The following CNTNAP5 variants were observed in gnomAD, a reference collection of about 807,000 sequenced individuals.
CNTNAP5 encodes the protein contactin associated protein family member 5.
Under a neutral mutation model 150.2 loss-of-function variants are expected in CNTNAP5, and 72 were observed. The observed-to-expected ratio is 0.48, with a 90% CI of 0.40 to 0.58. The LOEUF is 0.58. CNTNAP5 is among the 20% of genes least tolerant of loss of function. The pLI is 0.00. For missense variants in CNTNAP5, 1,636 were observed against 1,626.2 expected (o/e 1.01, Z -0.10); for synonymous variants, 672 against 619.8 (o/e 1.08, Z -1.25).
At chr2:124,510,479 A>G (rs1241325766) in intron 8 of CNTNAP5, among the ~76,000 whole-genome samples, 534 of 12,860 alleles carry the variant, frequency 0.042, 11 homozygotes, top group African/African-American at 0.13. Context: ...ATGTATGTGT[A>G]TATATATATA....
At chr2:124,235,341 G>A (rs1422678251) in intron 2 of CNTNAP5, among the ~76,000 whole-genome samples, 1 of 152,068 alleles carries the variant, frequency 6.6e-6, no homozygotes, top group Non-Finnish European at 1.5e-5. Flanking sequence ...GAGTTCACCT[G>A]CTAGAGAGGA....
At chr2:124,551,284 T>C (rs527395330) in intron 10 of CNTNAP5, among the ~76,000 whole-genome samples, 3 of 152,308 alleles carry the variant, frequency 2.0e-5, no homozygotes, top group Admixed American at 1.3e-4. Flanking sequence ...TTTAGGAAAC[T>C]GACTTTTGAC....
chr2:124,239,420 A>G (rs1686830310), intron 2 of CNTNAP5, among the ~76,000 whole-genome samples: 1 of 152,188 alleles, frequency 6.6e-6, no homozygotes, highest in Admixed American at 6.5e-5. Flanking sequence ...AAGAATTTTC[A>G]TTTTAAAAAT....
At chr2:124,667,858 C>T (rs554670844) in intron 13 of CNTNAP5, among the ~76,000 whole-genome samples, 32 of 152,260 alleles carry the variant, frequency 2.1e-4, no homozygotes, top group African/African-American at 6.0e-4. Flanking sequence ...TCATTTCTCC[C>T]GTAAGGGAAG....
At chr2:124,694,005 A>G (rs2105082152) in intron 13 of CNTNAP5, among the ~76,000 whole-genome samples, 1 of 152,090 alleles carries the variant, frequency 6.6e-6, no homozygotes, top group Admixed American at 6.5e-5. Context: ...ATAAACAACA[A>G]TGGGATTTCG....
chr2:124,435,542 A>G (rs1222065622), intron 5 of CNTNAP5, among the ~76,000 whole-genome samples: 3 of 152,242 alleles, frequency 2.0e-5, no homozygotes, highest in Admixed American at 1.3e-4. Context: ...GCCGTTTTTC[A>G]TAAGAATGAC....
intron 13 of CNTNAP5, among the ~76,000 whole-genome samples, chr2:124,713,031 A>T (rs1016437330): frequency 3.9e-5 from 6 of 152,244 alleles, no homozygotes; most frequent in African/African-American, 1.4e-4. Flanking sequence ...ATTTCAACAT[A>T]TGAATTTAGA....
At chr2:124,722,270 C>T (rs1240921419) in intron 13 of CNTNAP5, among the ~76,000 whole-genome samples, 2 of 152,088 alleles carry the variant, frequency 1.3e-5, no homozygotes, top group African/African-American at 2.4e-5. Context: ...TCAGCACCAA[C>T]TCTAAGGCCC....
chr2:124,066,005 C>T (rs1312219979), intron 1 of CNTNAP5, among the ~76,000 whole-genome samples: 1 of 152,100 alleles, frequency 6.6e-6, no homozygotes, highest in African/African-American at 2.4e-5. Context: ...GATATGCTCT[C>T]GAGGTAGAGT....
chr2:124,213,132 C>A (rs1686063395), intron 1 of CNTNAP5, among the ~76,000 whole-genome samples: 1 of 152,070 alleles, frequency 6.6e-6, no homozygotes, highest in Admixed American at 6.6e-5. Context: ...GCCACCGGGC[C>A]TGGCCTATGT....
At chr2:124,751,040 C>T (rs1015498842) in intron 14 of CNTNAP5, among the ~76,000 whole-genome samples, 1 of 147,790 alleles carries the variant, frequency 6.8e-6, no homozygotes, top group African/African-American at 2.5e-5. Flanking sequence ...TTTGCACCAA[C>T]CTAATAGAAA....
intron 7 of CNTNAP5, among the ~76,000 whole-genome samples, chr2:124,502,950 T>C (rs773770591): frequency 4.6e-5 from 7 of 152,190 alleles, no homozygotes; most frequent in Non-Finnish European, 2.9e-5. Context: ...GTGCACCCTT[T>C]AAATGAAGAA....
At chr2:124,818,457 G>GGC in intron 19 of CNTNAP5, among the ~76,000 whole-genome samples, 1 of 152,126 alleles carries the variant, frequency 6.6e-6, no homozygotes. Flanking sequence ...AGCCCAAGGG[G>GGC]GGTTTGCATG....
intron 8 of CNTNAP5, among the ~76,000 whole-genome samples, chr2:124,510,303 A>ATATCTATATATCTATC (rs1558933297): frequency 1.3e-4 from 16 of 127,226 alleles, no homozygotes; most frequent in African/African-American, 4.2e-4. Flanking sequence ...CTATATATCT[A>ATATCTATATATCTATC]TATATATATC....
intron 12 of CNTNAP5, among the ~76,000 whole-genome samples, chr2:124,613,119 C>G (rs1465462997): frequency 2.6e-5 from 4 of 152,102 alleles, no homozygotes; most frequent in Non-Finnish European, 5.9e-5. Context: ...CTACACAACT[C>G]TCATATTTAA....
chr2:124,041,500 T>C (rs956919598), intron 1 of CNTNAP5, among the ~76,000 whole-genome samples: 10 of 152,218 alleles, frequency 6.6e-5, no homozygotes, highest in African/African-American at 2.2e-4. Context: ...GCACACATCC[T>C]ACACATAGCA....
chr2:124,212,093 T>C (rs1686029153), intron 1 of CNTNAP5, among the ~76,000 whole-genome samples: 1 of 152,208 alleles, frequency 6.6e-6, no homozygotes, highest in South Asian at 2.1e-4. Flanking sequence ...ATTCTTTAGT[T>C]GCCTCCTTTC....
intron 3 of CNTNAP5, among the ~76,000 whole-genome samples, chr2:124,383,739 C>T (rs1047138923): frequency 1.3e-5 from 2 of 152,192 alleles, no homozygotes; most frequent in Non-Finnish European, 2.9e-5. Context: ...ATGATTGGCA[C>T]TCCATGAATC....
chr2:124,065,882 G>A (rs1682139495), intron 1 of CNTNAP5, among the ~76,000 whole-genome samples: 1 of 152,174 alleles, frequency 6.6e-6, no homozygotes, highest in Non-Finnish European at 1.5e-5. Flanking sequence ...CCGTCTGGAG[G>A]TTTATCAGCT....
Sources: allele counts gnomAD v4.1 joint callset (sites outside exome capture counted in the v4.1 genomes callset), GRCh38; gene constraint gnomAD v4.1.1; transcripts MANE v1.5; gene names NCBI Gene and HGNC (gene_info 2026-07-23, HGNC 2026-07-21).